Variants in BRAF observed in about 807,000 individuals in gnomAD.
BRAF encodes B-Raf proto-oncogene, serine/threonine kinase, also known as serine/threonine-protein kinase B-raf.
A neutral mutation model predicts 104.6 loss-of-function variants in BRAF; 16 were observed. The observed-to-expected ratio is 0.15, with a 90% CI of 0.10 to 0.23. BRAF has a LOEUF of 0.23. Ranked by LOEUF, BRAF falls within the 10% of genes least tolerant of loss-of-function variation. The pLI is 1.00. For missense variants in BRAF, 541 were observed against 937.3 expected, an observed-to-expected ratio of 0.58 and a Z score of 5.52; for synonymous variants, 310 against 341.6, an observed-to-expected ratio of 0.91 and a Z score of 1.02.
intron 19 of BRAF, chr7:140,734,154 A>T: frequency 9.4e-7 from 1 of 1,066,670 alleles, no homozygotes; most frequent in East Asian, 5.0e-5. Flanking sequence ...CCTAAATTAG[A>T]TCTGTTCAGT....
intron 3 of BRAF, among the ~76,000 whole-genome samples, chr7:140,814,812 CAT>C (rs1039936249): frequency 2.2e-4 from 30 of 138,926 alleles, no homozygotes; most frequent in Non-Finnish European, 4.1e-4. Context: ...TTATATATAA[CAT>C]ATATAATTTA....
At chr7:140,844,744 G>A (rs1231500220) in intron 2 of BRAF, among the ~76,000 whole-genome samples, 4 of 152,106 alleles carry the variant, frequency 2.6e-5, no homozygotes. Flanking sequence ...TGGTCAACAT[G>A]GTGAAACTCC....
chr7:140,917,192 C>T (rs2129145090), intron 1 of BRAF, among the ~76,000 whole-genome samples: 1 of 152,310 alleles, frequency 6.6e-6, no homozygotes, highest in Non-Finnish European at 1.5e-5. Context: ...TCCCAGGTAG[C>T]TGGGATTGCA....
At position 140,719,455 on chromosome 7, in the gene BRAF, C is replaced by A. The variant is rs1795218353; in HGVS notation, c.*7039G>T. 2 of 1,015,608 alleles carry A rather than the reference C, an allele frequency of 2.0e-6. No individual in the cohort carries two copies. The highest frequency in any genetic ancestry group is 9.4e-5 in the South Asian group (2 of 21,188). 62.9% of individuals were successfully genotyped at this position (1,015,608 alleles called of 1,614,324 possible). ...AACTTTACACAGAAATAAATTTCTT[C>A]AATCTGAATTTCAGCTATCTTTTTT... On this transcript the variant is annotated 3_prime_UTR_variant, in exon 20 of 20. Coordinates refer to ENST00000644969, the MANE Select transcript of BRAF (RefSeq NM_001374258.1).
chr7:140,774,981 C>T (rs1800193391), intron 14 of BRAF, among the ~76,000 whole-genome samples: 1 of 152,060 alleles, frequency 6.6e-6, no homozygotes, highest in South Asian at 2.1e-4. Context: ...AAAAAAAGCC[C>T]CTGCTCTCAT....
chr7:140,874,829 T>G (rs190128795), intron 1 of BRAF, among the ~76,000 whole-genome samples: 1 of 152,208 alleles, frequency 6.6e-6, no homozygotes, highest in Non-Finnish European at 1.5e-5. Flanking sequence ...AATTGGATCA[T>G]GGAAGCGGTT....
chr7:140,870,273 T>C (rs564174788), intron 1 of BRAF, among the ~76,000 whole-genome samples: 15 of 152,336 alleles, frequency 9.8e-5, no homozygotes, highest in Non-Finnish European at 7.4e-5. Context: ...CTTACTCTGA[T>C]TATTTTTATG....
At position 140,721,966 on chromosome 7, in the gene BRAF, A is replaced by C; in HGVS notation, c.*4528T>G. On this transcript the variant is annotated 3_prime_UTR_variant, in exon 20 of 20. Coordinates refer to ENST00000644969, the MANE Select transcript of BRAF (RefSeq NM_001374258.1). ...TCTAGGTTGGCAGCAGTACTCTGGAAACTGATAAAACCAAATTCGGTCCTA... is the reference window on the plus strand; with the variant it reads ...TCTAGGTTGGCAGCAGTACTCTGGACACTGATAAAACCAAATTCGGTCCTA... 8.2e-7 allele frequency: 1 copy of C among 1,219,976 alleles called. No individual in the cohort carries two copies. The highest frequency in any genetic ancestry group is 3.3e-5 in the East Asian group (1 of 29,872). The allele number at this position is 1,219,976 out of a possible 1,614,324, so 75.6% of individuals were successfully genotyped here.
At chr7:140,884,315 G>GT (rs1046910198) in intron 1 of BRAF, 1 of 151,918 alleles carries the variant, frequency 6.6e-6, no homozygotes, top group African/African-American at 2.4e-5. Flanking sequence ...GAACATAAGT[G>GT]TTTAACAGAG....
In BRAF at chr7:140,721,268, T is replaced by C. The variant is rs555292393; in HGVS notation, c.*5226A>G. 606 of 1,130,748 alleles carry C rather than the reference T, an allele frequency of 5.4e-4. No individual in the cohort carries two copies. Among genetic ancestry groups the C allele is most frequent in the Non-Finnish European group, 6.3e-4 (579 of 924,078 alleles). The allele number at this position is 1,130,748 out of a possible 1,614,324, so 70.0% of individuals were successfully genotyped here. On this transcript the variant is annotated 3_prime_UTR_variant, in exon 20 of 20. Transcript: ENST00000644969. ...TAAATAAAAGTACTTTAGTCACTCA[T>C]TGAGTTGCCGACTAATTGCCCCATG...
At chr7:140,800,199 T>C (rs1802939322) in intron 7 of BRAF, 163 bp downstream of exon 7, 5 of 1,119,906 alleles carry the variant, frequency 4.5e-6, no homozygotes, top group African/African-American at 1.6e-5. Context: ...TCCCATTTAT[T>C]TGTATCAAAT....
At chr7:140,742,674 T>C (rs1230200185) in intron 17 of BRAF, among the ~76,000 whole-genome samples, 2 of 152,208 alleles carry the variant, frequency 1.3e-5, no homozygotes, top group Admixed American at 6.5e-5. Flanking sequence ...TAGGACTTCA[T>C]GTCTAAAACA....
intron 2 of BRAF, among the ~76,000 whole-genome samples, chr7:140,846,567 T>C (rs1385963871): frequency 6.6e-6 from 1 of 152,202 alleles, no homozygotes; most frequent in Admixed American, 6.5e-5. Flanking sequence ...AGTTTCAGTT[T>C]TGGATGATAA....
intron 3 of BRAF, among the ~76,000 whole-genome samples, chr7:140,817,696 G>C (rs777963866): frequency 6.6e-6 from 1 of 152,172 alleles, no homozygotes; most frequent in Non-Finnish European, 1.5e-5. Context: ...ACTGGGGAAA[G>C]GACAGTCTCT....
chr7:140,873,965 C>G (rs1487085229), intron 1 of BRAF, among the ~76,000 whole-genome samples: 1 of 151,918 alleles, frequency 6.6e-6, no homozygotes, highest in Admixed American at 6.6e-5. Context: ...CCCTAGGAAG[C>G]CAAGAATAAA....
intron 2 of BRAF, among the ~76,000 whole-genome samples, chr7:140,838,389 T>C (rs1480642991): frequency 3.3e-5 from 5 of 152,144 alleles, no homozygotes. Context: ...ATATTTGTAT[T>C]AGTAATAATT....
In BRAF at chr7:140,848,467, G is replaced by T. The variant is rs534825821; in HGVS notation, c.240+1644C>A. Among the ~76,000 whole-genome samples, 11 of 152,278 alleles carry T rather than the reference G, an allele frequency of 7.2e-5. No individual in the cohort carries two copies. In the East Asian group the frequency reaches 2.1e-3, roughly 29 times the overall value. Reference sequence around the variant, plus strand: ...TGGGCACAGAATAAGAAGCTCTAAGGTTTGTTGTTAGTGATCAGTCTTCAA... The same window carrying T: ...TGGGCACAGAATAAGAAGCTCTAAGTTTTGTTGTTAGTGATCAGTCTTCAA... On this transcript the variant is annotated intron_variant, in intron 2 of 19. Transcript: ENST00000644969.
At chr7:140,881,271 CCAGCTG>C (rs1476979251) in intron 1 of BRAF, among the ~76,000 whole-genome samples, 2 of 152,186 alleles carry the variant, frequency 1.3e-5, no homozygotes, top group Non-Finnish European at 1.5e-5. Context: ...CTTAAAGTCA[CCAGCTG>C]CATTAGCCTC....
chr7:140,875,046 G>A (rs761043449), intron 1 of BRAF, among the ~76,000 whole-genome samples: 3 of 152,046 alleles, frequency 2.0e-5, no homozygotes, highest in South Asian at 2.1e-4. Flanking sequence ...TATGTTTCCC[G>A]TACAGTCCGC....
Sources: allele counts gnomAD v4.1 joint callset (sites outside exome capture counted in the v4.1 genomes callset), GRCh38; gene constraint gnomAD v4.1.1; transcripts MANE v1.5; gene names NCBI Gene and HGNC (gene_info 2026-07-23, HGNC 2026-07-21).